The following HCRTR2 variants were observed in gnomAD, a reference collection of about 807,000 sequenced individuals.
The protein encoded by HCRTR2 is hypocretin receptor 2, also known as orexin receptor type 2.
In HCRTR2, 22 loss-of-function variants were observed where a neutral mutation model predicts 49.0. The observed-to-expected ratio is 0.45, with a 90% confidence interval of 0.32 to 0.64. The LOEUF (loss-of-function observed/expected upper bound fraction) is 0.64. Among genes scored for constraint, HCRTR2 ranks in the 30% least tolerant of loss-of-function variants. The probability of loss-of-function intolerance (pLI) is 0.04; values close to 1 mark genes in which losing one functional copy is unlikely to be tolerated. For synonymous variants in HCRTR2, 236 were observed against 205.3 expected (o/e 1.15, Z -1.28); for missense variants, 491 against 559.4 (o/e 0.88, Z 1.23).
upstream of HCRTR2, among the ~76,000 whole-genome samples, chr6:55,172,944 G>T (rs998512394): frequency 2.0e-5 from 3 of 152,096 alleles, no homozygotes; most frequent in African/African-American, 7.2e-5. Context: ...TTTTGCACTG[G>T]CAAGACTCAA....
intron 1 of HCRTR2, among the ~76,000 whole-genome samples, chr6:55,160,952 G>A (rs937316851): frequency 8.6e-5 from 13 of 152,046 alleles, no homozygotes; most frequent in African/African-American, 2.9e-4. Flanking sequence ...AGTACATTCA[G>A]GACTTGAACT....
chr6:55,235,641 T>A (rs1175625377), intron 1 of HCRTR2, among the ~76,000 whole-genome samples: 3 of 152,064 alleles, frequency 2.0e-5, no homozygotes, highest in Non-Finnish European at 4.4e-5. Context: ...TAACCTGGAA[T>A]TTATGTTTGT....
chr6:55,192,407 GCGCGCGCACA>G (rs980219096), intron 1 of HCRTR2, among the ~76,000 whole-genome samples: 6 of 79,070 alleles, frequency 7.6e-5, no homozygotes, highest in African/African-American at 2.7e-4. Context: ...ACACACGCGC[GCGCGCGCACA>G]CACACACACA....
chr6:55,274,098 G>A (rs894060031), intron 4 of HCRTR2, among the ~76,000 whole-genome samples: 9 of 151,076 alleles, frequency 6.0e-5, no homozygotes, highest in Non-Finnish European at 1.0e-4. Flanking sequence ...GGTATTGAAC[G>A]TGATTAATTG....
At chr6:55,123,091 A>C (rs998263914) in intron 1 of HCRTR2, among the ~76,000 whole-genome samples, 3 of 151,958 alleles carry the variant, frequency 2.0e-5, no homozygotes, top group African/African-American at 7.2e-5. Context: ...TGTTGTGCAC[A>C]TGTACCCTAG....
Position 55,263,780 on chromosome 6 carries a change from G to C in HCRTR2, c.720G>C (p.Val240=), listed in dbSNP as rs1766812569. ...VTYMAPLCLM[V]LAYLQIFRKL... ...ACATGGCACCACTGTGTCTCATGGT[G>C]TTGGCTTATCTGCAAATATTTCGCA... The change falls in exon 4 of 7, where the codon GTG becomes GTC. Residue 240 remains valine (V), a synonymous_variant. Coordinates refer to ENST00000370862, the MANE Select transcript of HCRTR2 (RefSeq NM_001384272.1). 1 of 1,612,636 alleles carries C rather than the reference G, an allele frequency of 6.2e-7. No individual in the cohort carries two copies. Among genetic ancestry groups the C allele is most frequent in the Admixed American group, 1.7e-5 (1 of 59,942 alleles).
intron 3 of HCRTR2, among the ~76,000 whole-genome samples, chr6:55,259,008 G>A (rs1019038067): frequency 6.6e-6 from 1 of 152,080 alleles, no homozygotes; most frequent in Non-Finnish European, 1.5e-5. Flanking sequence ...CCGAGATCAT[G>A]GCACTGCACT....
chr6:55,220,439 G>A (rs1301305268), intron 1 of HCRTR2, among the ~76,000 whole-genome samples: 6 of 152,234 alleles, frequency 3.9e-5, no homozygotes, highest in Non-Finnish European at 7.4e-5. Context: ...TATATTAACA[G>A]AACAAGGGAT....
chr6:55,127,498 G>A (rs1275384007), intron 1 of HCRTR2, among the ~76,000 whole-genome samples: 2 of 152,132 alleles, frequency 1.3e-5, no homozygotes, highest in Non-Finnish European at 2.9e-5. Context: ...CTGCAGACCA[G>A]AGCTCTTCCT....
intron 1 of HCRTR2, among the ~76,000 whole-genome samples, chr6:55,184,843 T>C (rs760149900): frequency 3.9e-5 from 6 of 152,242 alleles, no homozygotes; most frequent in Non-Finnish European, 7.3e-5. Flanking sequence ...TTTATAACCA[T>C]GTGAGGCCTT....
At chr6:55,258,919 T>G (rs569905413) in intron 3 of HCRTR2, among the ~76,000 whole-genome samples, 1 of 151,950 alleles carries the variant, frequency 6.6e-6, no homozygotes, top group South Asian at 2.1e-4. Context: ...GGCATGGTGG[T>G]GGGCGCCTGT....
intron 1 of HCRTR2, among the ~76,000 whole-genome samples, chr6:55,218,193 G>A (rs981677491): frequency 6.6e-6 from 1 of 152,146 alleles, no homozygotes; most frequent in African/African-American, 2.4e-5. Context: ...TGAGGGCTCT[G>A]CCTCTATTGT....
chr6:55,119,130 T>A (rs1390542122), intron 1 of HCRTR2, among the ~76,000 whole-genome samples: 1 of 152,140 alleles, frequency 6.6e-6, no homozygotes, highest in East Asian at 1.9e-4. Flanking sequence ...TTCTTTTTCA[T>A]GGCTGCACAG....
chr6:55,115,283 A>C (rs982209486), intron 1 of HCRTR2, among the ~76,000 whole-genome samples: 3 of 151,714 alleles, frequency 2.0e-5, no homozygotes, highest in Non-Finnish European at 3.0e-5. Context: ...CTAGGTGTTG[A>C]TCACTTCTAG....
chr6:55,232,468 C>T (rs536982368), intron 1 of HCRTR2, among the ~76,000 whole-genome samples: 12 of 152,292 alleles, frequency 7.9e-5, no homozygotes, highest in Non-Finnish European at 1.5e-4. Flanking sequence ...CTTTCTCCGA[C>T]ATGTTGTCTA....
intron 1 of HCRTR2, among the ~76,000 whole-genome samples, chr6:55,162,175 TGTTCA>T (rs1561991508): frequency 6.6e-6 from 1 of 152,174 alleles, no homozygotes. Flanking sequence ...ATGCAAGGCT[TGTTCA>T]ACATACGAAA....
At chr6:55,113,019 A>C (rs1166583740) in intron 1 of HCRTR2, among the ~76,000 whole-genome samples, 2 of 151,918 alleles carry the variant, frequency 1.3e-5, no homozygotes, top group Non-Finnish European at 2.9e-5. Context: ...ACAAAAACAT[A>C]AAATGGGGAA....
intron 1 of HCRTR2, among the ~76,000 whole-genome samples, chr6:55,123,527 C>T (rs1208487965): frequency 1.3e-5 from 2 of 152,006 alleles, no homozygotes; most frequent in East Asian, 1.9e-4. Flanking sequence ...ATCCCATTTG[C>T]CAGTATTTTA....
At chr6:55,164,146 A>G (rs536528503) in intron 1 of HCRTR2, among the ~76,000 whole-genome samples, 11 of 152,206 alleles carry the variant, frequency 7.2e-5, no homozygotes, top group Non-Finnish European at 1.2e-4. Context: ...GAGGATGTGG[A>G]GAAATAGGAA....
Sources: allele counts gnomAD v4.1 joint callset (sites outside exome capture counted in the v4.1 genomes callset), GRCh38; gene constraint gnomAD v4.1.1; transcripts MANE v1.5; gene names NCBI Gene and HGNC (gene_info 2026-07-23, HGNC 2026-07-21).